The following CWF19L2 variants were observed in gnomAD, a reference collection of about 807,000 sequenced individuals.
CWF19L2 encodes the protein CWF19-like protein 2.
In CWF19L2, 98 loss-of-function variants were observed where a neutral mutation model predicts 111.7. That is an observed-to-expected ratio of 0.88 (90% CI 0.75 to 1.04). CWF19L2 has a LOEUF of 1.04. Among genes scored for constraint, CWF19L2 ranks in the 50% least tolerant of loss-of-function variants. The pLI is 0.00. For missense variants in CWF19L2, 1,101 were observed against 1,051.4 expected, an observed-to-expected ratio of 1.05 and a Z score of -0.65; for synonymous variants, 351 against 342.9, an observed-to-expected ratio of 1.02 and a Z score of -0.26.
At chr11:107,405,142 G>A (rs1861059065) in intron 10 of CWF19L2, among the ~76,000 whole-genome samples, 1 of 152,172 alleles carries the variant, frequency 6.6e-6, no homozygotes, top group East Asian at 1.9e-4. Context: ...TTTCATGACA[G>A]ATTAAAATTC....
rs868512030 is a variant in CWF19L2, at chr11:107,456,265, G to C, written c.106-489C>G. Among the ~76,000 whole-genome samples the C allele has an allele frequency of 4.6e-5, 7 of 152,170 alleles. 1 individual carries two copies. Among genetic ancestry groups the C allele is most frequent in the South Asian group, 4.1e-4 (2 of 4,830 alleles). ...TGGTAATTTTTATCCATTCTTCAAT[G>C]ATAGTCAAACAAAGCAAGTTTTTCC... On this transcript the variant is annotated intron_variant, in intron 1 of 17. Transcript: ENST00000282251.
chr11:107,328,931 C>T (rs1859802985), intron 17 of CWF19L2, among the ~76,000 whole-genome samples: 1 of 152,150 alleles, frequency 6.6e-6, no homozygotes, highest in Non-Finnish European at 1.5e-5. Flanking sequence ...TGCTGGTTAA[C>T]CCACTAAGGA....
Position 107,371,837 on chromosome 11 carries a change from G to A in CWF19L2, c.1873-18101C>T, listed in dbSNP as rs1048635397. On this transcript the variant is annotated intron_variant, in intron 12 of 17. Coordinates refer to ENST00000282251, the MANE Select transcript of CWF19L2 (RefSeq NM_152434.3). ...AAAGTGATCTCTACCAAAAAAAGTG[G>A]AGAAAGCCAACAAAAAAGGACAACA... Among the ~76,000 whole-genome samples, 15 of 136,378 alleles carry A rather than the reference G, an allele frequency of 1.1e-4. 1 individual carries two copies. The highest frequency in any genetic ancestry group is 1.0e-3 in the Admixed American group (14 of 13,882). 89.5% of individuals were successfully genotyped at this position (136,378 alleles called of 152,430 possible).
rs1389377295 is a variant in CWF19L2 at position 107,440,073 on chromosome 11, C to A, written c.571-890G>T. Among the ~76,000 whole-genome samples, 3 of 152,066 alleles carry A rather than the reference C, an allele frequency of 2.0e-5. No individual in the cohort carries two copies. The East Asian group carries it at 5.8e-4, about 29-fold the overall frequency. On this transcript the variant is annotated intron_variant, in intron 5 of 17. Transcript: ENST00000282251. ...CTGTAATGTGTGACGCGGCCATGGT[C>A]CTTGCCATTAAATAAATTATGGTCT... is the stretch of plus-strand genomic sequence containing the variant.
At chr11:107,362,240 A>T (rs957132005) in intron 12 of CWF19L2, among the ~76,000 whole-genome samples, 8 of 152,000 alleles carry the variant, frequency 5.3e-5, no homozygotes, top group Non-Finnish European at 1.0e-4. Context: ...GCAGCGAGGC[A>T]GGGGGAAGGG....
intron 12 of CWF19L2, among the ~76,000 whole-genome samples, chr11:107,379,168 A>G (rs1338087033): frequency 2.0e-5 from 3 of 152,240 alleles, no homozygotes; most frequent in African/African-American, 7.2e-5. Context: ...TTATGGTATG[A>G]AAAGGATCTG....
chr11:107,328,951 T>C (rs904494503), intron 17 of CWF19L2, among the ~76,000 whole-genome samples: 2 of 152,186 alleles, frequency 1.3e-5, no homozygotes, highest in African/African-American at 4.8e-5. Flanking sequence ...ACAAGAGCAT[T>C]AAAAAGTTTT....
At chr11:107,392,639 G>T in intron 11 of CWF19L2, 140 bp downstream of exon 11, 1 of 532,298 alleles carries the variant, frequency 1.9e-6, no homozygotes, top group Non-Finnish European at 3.3e-6. Context: ...AATAAAAGTA[G>T]TAACAACATC....
At chr11:107,408,761 G>T (rs1350580039) in intron 10 of CWF19L2, among the ~76,000 whole-genome samples, 1 of 151,854 alleles carries the variant, frequency 6.6e-6, no homozygotes, top group East Asian at 1.9e-4. Flanking sequence ...CTAGCTAAAT[G>T]ACTAAAAGGA....
intron 10 of CWF19L2, among the ~76,000 whole-genome samples, chr11:107,398,316 AATAG>A (rs1860952456): frequency 1.3e-5 from 2 of 152,224 alleles, no homozygotes; most frequent in South Asian, 4.1e-4. Flanking sequence ...TATTCAAGGA[AATAG>A]ATAGCTTAAA....
chr11:107,340,896 C>A (rs1273163771), intron 14 of CWF19L2, among the ~76,000 whole-genome samples: 3 of 152,140 alleles, frequency 2.0e-5, no homozygotes, highest in African/African-American at 7.2e-5. Flanking sequence ...AATATGGACA[C>A]GTTTTGTTAG....
At chr11:107,442,063 G>GA (rs575594616) in intron 4 of CWF19L2, among the ~76,000 whole-genome samples, 139 of 151,776 alleles carry the variant, frequency 9.2e-4, no homozygotes, top group African/African-American at 3.2e-3. Context: ...GAGGTGAAGG[G>GA]AAAAAAAACT....
intron 2 of CWF19L2, 23 bp from the exon 3 acceptor site, chr11:107,454,595 A>C: frequency 7.7e-7 from 1 of 1,294,714 alleles, no homozygotes; most frequent in Non-Finnish European, 9.9e-7. Context: ...TGAACAGGCA[A>C]GAAAATAATT....
At chr11:107,438,232 T>C (rs1261967826) in intron 6 of CWF19L2, among the ~76,000 whole-genome samples, 1 of 152,230 alleles carries the variant, frequency 6.6e-6, no homozygotes, top group Non-Finnish European at 1.5e-5. Flanking sequence ...CTACCATCTG[T>C]ATAATGGGTT....
At chr11:107,355,161 A>G (rs1860216836) in intron 12 of CWF19L2, among the ~76,000 whole-genome samples, 1 of 152,216 alleles carries the variant, frequency 6.6e-6, no homozygotes, top group African/African-American at 2.4e-5. Context: ...TCACACCTGT[A>G]ATCCCTGCAC....
At position 107,457,706 on chromosome 11, in the gene CWF19L2, A is replaced by G; in HGVS notation, c.105+6T>C. 14 of 1,546,504 alleles carry G rather than the reference A, an allele frequency of 9.1e-6. No homozygotes were observed. The highest frequency in any genetic ancestry group is 1.1e-5 in the Non-Finnish European group (12 of 1,142,280). ...AATAACTACAAAAGCCCCAAAACAG[A>G]GGTACCTGGCGCAACACCTCGGCCC... On this transcript the variant is annotated splice_donor_region_variant and intron_variant, in intron 1 of 17. Coordinates refer to ENST00000282251, the MANE Select transcript of CWF19L2 (RefSeq NM_152434.3).
In CWF19L2 at chr11:107,432,709, TA is replaced by T. The variant is rs761780406; in HGVS notation, c.780+924del. Among the ~76,000 whole-genome samples, 3 of 152,240 alleles carry T rather than the reference TA, an allele frequency of 2.0e-5. No individual in the cohort carries two copies. The South Asian group carries it at 6.2e-4, about 31-fold the overall frequency. On this transcript the variant is annotated intron_variant, in intron 7 of 17. Transcript: ENST00000282251. Reference sequence around the variant, plus strand: ...AATCTTACTGTTGAAAATTATGTGATAAAAGAGATATTTTTAAGTATGATTT... The same window carrying T: ...AATCTTACTGTTGAAAATTATGTGATAAAGAGATATTTTTAAGTATGATTT...
At chr11:107,453,201 C>A (rs764596632) in intron 3 of CWF19L2, among the ~76,000 whole-genome samples, 4 of 152,150 alleles carry the variant, frequency 2.6e-5, no homozygotes, top group Non-Finnish European at 5.9e-5. Context: ...TCACACGAGA[C>A]ATTACACAGT....
intron 3 of CWF19L2, among the ~76,000 whole-genome samples, chr11:107,454,152 T>C (rs1490722924): frequency 6.6e-6 from 1 of 152,216 alleles, no homozygotes; most frequent in Non-Finnish European, 1.5e-5. Context: ...CCCCAGGGCC[T>C]TGAGTGAACA....
Sources: gnomAD v4.1 joint callset for allele counts (sites outside exome capture counted in the v4.1 genomes callset) on GRCh38, gnomAD v4.1.1 for gene constraint, MANE v1.5 for transcripts, NCBI Gene and HGNC (gene_info 2026-07-23, HGNC 2026-07-21) for gene names.